USP5: variants seen among roughly 807,000 people sequenced by gnomAD.
The protein encoded by USP5 is ubiquitin carboxyl-terminal hydrolase 5.
A neutral mutation model predicts 102.5 loss-of-function variants in USP5; 24 were observed. The observed-to-expected ratio is 0.23, with a 90% CI of 0.17 to 0.33. USP5 has a LOEUF of 0.33. Ranked by LOEUF, USP5 falls within the 10% of genes least tolerant of loss-of-function variation. The pLI is 1.00. For synonymous variants in USP5, 460 were observed against 434.8 expected (o/e 1.06, Z -0.72); for missense variants, 753 against 1,122.1 (o/e 0.67, Z 4.70).
rs543937579 is a variant in USP5 at position 6,863,066 on chromosome 12, C to G, written c.1763-120C>G. The G allele has an allele frequency of 2.0e-5, 20 of 987,902 alleles. No individual in the cohort carries two copies. The highest frequency in any genetic ancestry group is 3.3e-4 in the Middle Eastern group (1 of 3,062). 61.2% of individuals were successfully genotyped at this position (987,902 alleles called of 1,614,324 possible). A position where few individuals can be genotyped will look rare whatever the true frequency, so the allele number is the denominator to read the frequency against. ...ATACTGGGACCCCTAAGATGGGTGCCGTGCTTTTAGCAGCTCCTCTTTACA... is the reference window on the plus strand; with the variant it reads ...ATACTGGGACCCCTAAGATGGGTGCGGTGCTTTTAGCAGCTCCTCTTTACA... On this transcript the variant is annotated intron_variant, in intron 14 of 19. Transcript: ENST00000229268. This position sits in a 1 kb window ranked among gnomAD's most constrained non-coding sequence, Gnocchi z 4.7.
chr12:6,860,058 T>C lies in USP5; in HGVS notation c.1131-93T>C, dbSNP rs1944232892. 2 of 1,378,714 alleles carry C rather than the reference T, an allele frequency of 1.5e-6. No homozygotes were observed. Among genetic ancestry groups the C allele is most frequent in the Non-Finnish European group, 2.0e-6 (2 of 988,744 alleles). 85.4% of individuals were successfully genotyped at this position (1,378,714 alleles called of 1,614,324 possible). Reference sequence around the variant, plus strand: ...TAAGGTTTTTCACGTTGTTGAGAGTTAGCTAGGGAGAGCCACGAGCAGGGG... The same window carrying C: ...TAAGGTTTTTCACGTTGTTGAGAGTCAGCTAGGGAGAGCCACGAGCAGGGG... On this transcript the variant is annotated intron_variant, in intron 9 of 19. Coordinates refer to ENST00000229268, the MANE Select transcript of USP5 (RefSeq NM_001098536.2). This position sits in a 1 kb window ranked among gnomAD's most constrained non-coding sequence, Gnocchi z 5.5.
At chr12:6,862,666 A>G in intron 14 of USP5, 108 bp downstream of exon 14, 1 of 998,224 alleles carries the variant, frequency 1.0e-6, no homozygotes, top group African/African-American at 1.6e-5. Flanking sequence ...AGAGGAAAAA[A>G]AATCACCTTC....
At chr12:6,862,256 T>C (rs1411840562) in intron 13 of USP5, among the ~76,000 whole-genome samples, 1 of 152,172 alleles carries the variant, frequency 6.6e-6, no homozygotes, top group Admixed American at 6.5e-5. Flanking sequence ...TTTTTTCTTT[T>C]TCTTTTTTTT....
In USP5 at chr12:6,857,730, C is replaced by A. The variant is rs781981110; in HGVS notation, c.864+7C>A. ...CATGCTGAAGATGCAGAAGGTGAGA[C>A]CCCCTTCAACTTCAGATTCTTCTAC... On this transcript the variant is annotated splice_region_variant and intron_variant, in intron 7 of 19. Coordinates refer to ENST00000229268, the MANE Select transcript of USP5 (RefSeq NM_001098536.2). 31 of 1,613,918 alleles carry A rather than the reference C, an allele frequency of 1.9e-5. No individual in the cohort carries two copies. Among genetic ancestry groups the A allele is most frequent in the East Asian group, 1.8e-4 (8 of 44,890 alleles).
chr12:6,861,500 T>C lies in USP5; in HGVS notation c.1556T>C (p.Leu519Pro), dbSNP rs1555129542. 6.3e-7 allele frequency: 1 copy of C among 1,599,666 alleles called. No individual in the cohort carries two copies. The highest frequency in any genetic ancestry group is 1.7e-5 in the Admixed American group (1 of 59,410). The change falls in exon 13 of 20, where the codon CTG becomes CCG. Residue 519 changes from leucine to proline, a missense_variant. By Grantham distance (98) the Leu-to-Pro change is moderately conservative. Transcript: ENST00000229268. The surrounding 1 kb of genome is among the most constrained non-coding windows in gnomAD (Gnocchi z 4.9). ...KRQAEEEKMALPELVRAQVPF... is the reference protein window; with the variant it reads ...KRQAEEEKMAPPELVRAQVPF... ...CAAGCCGAAGAGGAGAAGATGGCAC[T>C]GCCAGAACTGGTTCGGGCCCAGGTG...
chr12:6,860,311 A>G lies in USP5; in HGVS notation c.1219-55A>G. ...CTGAGGTCTGGGAGATGTCTAAAGA[A>G]GGCCCCTGGATGGCCACTGAGCCCC... On this transcript the variant is annotated intron_variant, in intron 10 of 19. Transcript: ENST00000229268. This position sits in a 1 kb window ranked among gnomAD's most constrained non-coding sequence, Gnocchi z 5.5. 1 of 1,613,194 alleles carries G rather than the reference A, an allele frequency of 6.2e-7. No individual in the cohort carries two copies.
At position 6,858,932 on chromosome 12, in the gene USP5, A is replaced by C. The variant is rs1335308755; in HGVS notation, c.1058+315A>C. On this transcript the variant is annotated intron_variant, in intron 8 of 19. Coordinates refer to ENST00000229268, the MANE Select transcript of USP5 (RefSeq NM_001098536.2). The surrounding 1 kb of genome is among the most constrained non-coding windows in gnomAD (Gnocchi z 4.2). ...GGGGAGCAAGTTAGGGAGCTGCACC[A>C]CCAGCACCCCAACACACAAACCCCA... 3.8e-6 allele frequency: 1 copy of C among 262,414 alleles called. No individual in the cohort carries two copies. The highest frequency in any genetic ancestry group is 7.6e-6 in the Non-Finnish European group (1 of 132,178). The allele number at this position is 262,414 out of a possible 1,614,324, so 16.3% of individuals were successfully genotyped here. A position where few individuals can be genotyped will look rare whatever the true frequency, so the allele number is the denominator to read the frequency against.
intron 9 of USP5, 102 bp downstream of exon 9, chr12:6,859,643 T>A: frequency 1.7e-6 from 2 of 1,186,484 alleles, no homozygotes; most frequent in South Asian, 2.5e-5. Flanking sequence ...ACCCCTGGCC[T>A]TTTTTTGTTT....
chr12:6,865,889 G>A, intron 19 of USP5, 95 bp from the exon 20 acceptor site: 2 of 1,081,150 alleles, frequency 1.8e-6, no homozygotes, highest in East Asian at 2.4e-5. Context: ...CAGAGAGTGT[G>A]GAGAGCACTT....
In USP5 at chr12:6,864,183, G is replaced by A. The variant is rs145375496; in HGVS notation, c.2232G>A (p.Ala744=). 127 of 1,609,184 alleles carry A rather than the reference G, an allele frequency of 7.9e-5. No homozygotes were observed. In the African/African-American group the frequency reaches 1.0e-3, roughly 13 times the overall value. Residue 744 remains alanine, a synonymous_variant, in exon 17 of 20, where the codon GCG becomes GCA. Coordinates refer to ENST00000229268, the MANE Select transcript of USP5 (RefSeq NM_001098536.2). The surrounding 1 kb of genome is among the most constrained non-coding windows in gnomAD (Gnocchi z 4.8). ...MGFSRDQALK[A]LRATNNSLER... is the part of the protein sequence containing the mutation. Reference sequence around the variant, plus strand: ...TCTCCCGGGACCAGGCCTTGAAAGCGCTGCGGGCCACGGTATGGGCTGCCC... The same window carrying A: ...TCTCCCGGGACCAGGCCTTGAAAGCACTGCGGGCCACGGTATGGGCTGCCC...
At position 6,858,633 on chromosome 12, in the gene USP5, T is replaced by C. The variant is rs368924849; in HGVS notation, c.1058+16T>C. On this transcript the variant is annotated intron_variant, in intron 8 of 19. Transcript: ENST00000229268. This position sits in a 1 kb window ranked among gnomAD's most constrained non-coding sequence, Gnocchi z 4.2. ...TCCAGAGGAAGTGAGTAGTGCCCTC[T>C]CCTTCCCCAGGCCCCCTCCTGGTCA... The C allele has an allele frequency of 5.2e-5, 82 of 1,590,572 alleles. No individual in the cohort carries two copies. In the African/African-American group the frequency reaches 1.0e-3, roughly 20 times the overall value.
At chr12:6,854,064 C>G (rs1441658620) in intron 1 of USP5, among the ~76,000 whole-genome samples, 1 of 152,208 alleles carries the variant, frequency 6.6e-6, no homozygotes, top group East Asian at 1.9e-4. Context: ...TCACTCTTTA[C>G]AAAGGCACTG....
At position 6,862,574 on chromosome 12, in the gene USP5, T is replaced by A; in HGVS notation, c.1762+16T>A. On this transcript the variant is annotated intron_variant, in intron 14 of 19. Coordinates refer to ENST00000229268, the MANE Select transcript of USP5 (RefSeq NM_001098536.2). ...AAGAAACTGGGTATGGCTGCTGGAA[T>A]GAGGGAGGTTACACAGAAAATGCTA... 1 of 1,610,234 alleles carries A rather than the reference T, an allele frequency of 6.2e-7. No homozygotes were observed. The highest frequency in any genetic ancestry group is 8.5e-7 in the Non-Finnish European group (1 of 1,176,482).
Position 6,856,588 on chromosome 12 carries a change from G to A in USP5, c.585-119G>A. 1 of 1,532,152 alleles carries A rather than the reference G, an allele frequency of 6.5e-7. No individual in the cohort carries two copies. The highest frequency in any genetic ancestry group is 8.8e-7 in the Non-Finnish European group (1 of 1,142,522). The allele number at this position is 1,532,152 out of a possible 1,614,324, so 94.9% of individuals were successfully genotyped here. On this transcript the variant is annotated intron_variant, in intron 5 of 19. Transcript: ENST00000229268. This position sits in a 1 kb window ranked among gnomAD's most constrained non-coding sequence, Gnocchi z 5.6. ...TTGGAAATGAACACGACATGGGGAT[G>A]GCCAGAGGAGAAGAGAGAGAGACCT...
chr12:6,866,252 G>T lies in USP5; in HGVS notation c.*175G>T. 4.8e-6 allele frequency: 3 copies of T among 619,566 alleles called. No individual in the cohort carries two copies. Among genetic ancestry groups the T allele is most frequent in the Non-Finnish European group, 8.5e-6 (3 of 353,840 alleles). The allele number at this position is 619,566 out of a possible 1,614,324, so 38.4% of individuals were successfully genotyped here. On this transcript the variant is annotated 3_prime_UTR_variant, in exon 20 of 20. Transcript: ENST00000229268. The surrounding 1 kb of genome is among the most constrained non-coding windows in gnomAD (Gnocchi z 4.7). ...TGGCTGGGCAGAGCAGAGGGGCAGC[G>T]ATAGACTCTGGGGATGGAGCAGGAC...
In USP5 at chr12:6,856,485, C is replaced by G. The variant is rs1319713379; in HGVS notation, c.584+35C>G. 2 of 1,584,532 alleles carry G rather than the reference C, an allele frequency of 1.3e-6. No homozygotes were observed. Among genetic ancestry groups the G allele is most frequent in the Non-Finnish European group, 8.6e-7 (1 of 1,164,508 alleles). On this transcript the variant is annotated intron_variant, in intron 5 of 19. Transcript: ENST00000229268. This position sits in a 1 kb window ranked among gnomAD's most constrained non-coding sequence, Gnocchi z 5.6. ...GGCCCCTCTGCCTCGGGCACCACCC[C>G]CAGAGCAAGGACAAGGAGCCCACTT...
chr12:6,866,191 C>G lies in USP5; in HGVS notation c.*114C>G. ...CTCTGTACCCTTTTTCCTTTTGTCC[C>G]CGGCAGCAGGGAAGAAGCTGGAGGC... On this transcript the variant is annotated 3_prime_UTR_variant, in exon 20 of 20. Transcript: ENST00000229268. This position sits in a 1 kb window ranked among gnomAD's most constrained non-coding sequence, Gnocchi z 4.7. 1.0e-6 allele frequency: 1 copy of G among 988,912 alleles called. No homozygotes were observed. The highest frequency in any genetic ancestry group is 1.4e-5 in the South Asian group (1 of 69,236). The allele number at this position is 988,912 out of a possible 1,614,324, so 61.3% of individuals were successfully genotyped here. A position where few individuals can be genotyped will look rare whatever the true frequency, so the allele number is the denominator to read the frequency against.
Position 6,864,196 on chromosome 12 carries a change from G to T in USP5, c.2244+1G>T. 6.2e-7 allele frequency: 1 copy of T among 1,601,636 alleles called. No homozygotes were observed. The highest frequency in any genetic ancestry group is 8.5e-7 in the Non-Finnish European group (1 of 1,173,562). ...GGCCTTGAAAGCGCTGCGGGCCACGGTATGGGCTGCCCCAGCTAAGGACAT... is the reference window on the plus strand; with the variant it reads ...GGCCTTGAAAGCGCTGCGGGCCACGTTATGGGCTGCCCCAGCTAAGGACAT... On this transcript the variant is annotated splice_donor_variant, in intron 17 of 19. Coordinates refer to ENST00000229268, the MANE Select transcript of USP5 (RefSeq NM_001098536.2). LOFTEE classifies it high-confidence loss of function. The surrounding 1 kb of genome is among the most constrained non-coding windows in gnomAD (Gnocchi z 4.8).
At chr12:6,852,371 G>C (rs1555127094) in intron 1 of USP5, 81 bp downstream of exon 1, 4 of 1,390,460 alleles carry the variant, frequency 2.9e-6, no homozygotes, top group Non-Finnish European at 4.0e-6. Context: ...GCAAGGCTTG[G>C]GCTACCGCCT....
Sources: gnomAD v4.1 joint callset for allele counts (sites outside exome capture counted in the v4.1 genomes callset) on GRCh38, gnomAD v4.1.1 for gene constraint, Gnocchi (gnomAD v3.1) non-coding constraint, MANE v1.5 for transcripts, NCBI Gene and HGNC (gene_info 2026-07-23, HGNC 2026-07-21) for gene names.